LRRFIP1: variants seen among roughly 807,000 people sequenced by gnomAD.
The protein encoded by LRRFIP1 is leucine-rich repeat flightless-interacting protein 1.
A neutral mutation model predicts 104.4 loss-of-function variants in LRRFIP1; 62 were observed. That is an observed-to-expected ratio of 0.59 (90% CI 0.48 to 0.73). The LOEUF (loss-of-function observed/expected upper bound fraction) is 0.73. Ranked by LOEUF, LRRFIP1 falls within the 30% of genes least tolerant of loss-of-function variation. The pLI is 0.00. For missense variants in LRRFIP1, 796 were observed against 824.5 expected (o/e 0.97, Z 0.42); for synonymous variants, 300 against 299.0 (o/e 1.00, Z -0.03).
intron 15 of LRRFIP1, among the ~76,000 whole-genome samples, chr2:237,754,238 A>G (rs1045766159): frequency 3.6e-5 from 5 of 140,466 alleles, no homozygotes; most frequent in Non-Finnish European, 7.4e-5. Context: ...AGAAAATTAT[A>G]TTATTTTCTG....
At chr2:237,749,098 C>A (rs2058256779) in intron 12 of LRRFIP1, 101 bp from the exon 13 acceptor site, 1 of 1,281,050 alleles carries the variant, frequency 7.8e-7, no homozygotes, top group Admixed American at 2.4e-5. Context: ...CCAGGGCCGT[C>A]CCTCATCTTG....
chr2:237,658,273 A>G (rs1448608048), intron 1 of LRRFIP1, among the ~76,000 whole-genome samples: 3 of 152,232 alleles, frequency 2.0e-5, no homozygotes, highest in Non-Finnish European at 1.5e-5. Flanking sequence ...TTAAAACACT[A>G]CTGAGAAACC....
chr2:237,702,710 G>A (rs530437163), intron 1 of LRRFIP1, among the ~76,000 whole-genome samples: 12 of 152,186 alleles, frequency 7.9e-5, no homozygotes, highest in African/African-American at 2.2e-4. Context: ...CAGCCAGACC[G>A]AGCTATGCAT....
intron 1 of LRRFIP1, among the ~76,000 whole-genome samples, chr2:237,673,865 G>A (rs1310199312): frequency 1.3e-5 from 2 of 152,178 alleles, no homozygotes; most frequent in African/African-American, 4.8e-5. Flanking sequence ...TCTCAGGAGC[G>A]CCAGCAGCTG....
At chr2:237,740,865 A>C (rs2095395544) in intron 11 of LRRFIP1, among the ~76,000 whole-genome samples, 1 of 152,160 alleles carries the variant, frequency 6.6e-6, no homozygotes, top group Non-Finnish European at 1.5e-5. Flanking sequence ...ACTGTGCAGC[A>C]TGGCTTTCCT....
chr2:237,769,779 C>T, intron 19 of LRRFIP1, 164 bp from the exon 20 acceptor site: 2 of 619,152 alleles, frequency 3.2e-6, no homozygotes, highest in Non-Finnish European at 5.9e-6. Flanking sequence ...TTGGCTGTGG[C>T]CTCATTCACC....
intron 13 of LRRFIP1, 69 bp downstream of exon 13, chr2:237,749,393 A>C (rs2058292958): frequency 6.5e-7 from 1 of 1,542,174 alleles, no homozygotes; most frequent in Admixed American, 2.0e-5. Context: ...AGATTAAAAA[A>C]AAAAAAGTTA....
chr2:237,673,194 A>G (rs577530797), intron 1 of LRRFIP1, among the ~76,000 whole-genome samples: 1 of 152,348 alleles, frequency 6.6e-6, no homozygotes, highest in South Asian at 2.1e-4. Context: ...AAAAATAAAC[A>G]TGGCAATTCC....
intron 1 of LRRFIP1, among the ~76,000 whole-genome samples, chr2:237,704,775 A>G (rs189778259): frequency 3.9e-5 from 6 of 152,122 alleles, no homozygotes; most frequent in Non-Finnish European, 8.8e-5. Flanking sequence ...TCTGAATTCT[A>G]ATGTAAGGTG....
chr2:237,692,620 G>T (rs2092888242), intron 1 of LRRFIP1: 3 of 1,339,924 alleles, frequency 2.2e-6, no homozygotes, highest in Non-Finnish European at 2.9e-6. Context: ...CAGGTGCCCG[G>T]GAGGCGTGGG....
At chr2:237,754,262 G>A (rs1222277228) in intron 15 of LRRFIP1, among the ~76,000 whole-genome samples, 1 of 152,178 alleles carries the variant, frequency 6.6e-6, no homozygotes, top group Non-Finnish European at 1.5e-5. Flanking sequence ...ATTGGGAAAA[G>A]ACACAGTTAC....
intron 1 of LRRFIP1, among the ~76,000 whole-genome samples, chr2:237,668,582 C>CTACT (rs980193069): frequency 5.3e-5 from 8 of 152,168 alleles, no homozygotes; most frequent in African/African-American, 1.9e-4. Context: ...TTGTACCGAG[C>CTACT]TACTGAAGAG....
rs1216445887 is a variant in LRRFIP1, at chr2:237,627,591, C to A, written c.-54C>A. On this transcript the variant is annotated 5_prime_UTR_variant, in exon 1 of 24. Transcript: ENST00000308482. ...GGCCGGGGCCGGGGCCGGGCCGGGGCGGCGCGAGCGGCTGGAGCAACGGGC... is the reference window on the plus strand; with the variant it reads ...GGCCGGGGCCGGGGCCGGGCCGGGGAGGCGCGAGCGGCTGGAGCAACGGGC... The A allele has an allele frequency of 6.6e-6, 7 of 1,064,666 alleles. No homozygotes were observed. The East Asian group carries it at 2.3e-4, about 35-fold the overall frequency. The allele number at this position is 1,064,666 out of a possible 1,614,324, so 66.0% of individuals were successfully genotyped here.
chr2:237,711,621 C>T lies in LRRFIP1; in HGVS notation c.184-2638C>T, dbSNP rs901353664. On this transcript the variant is annotated intron_variant, in intron 2 of 23. Transcript: ENST00000308482. This position sits in a 1 kb window ranked among gnomAD's most constrained non-coding sequence, Gnocchi z 4.4. ...TGACACAGGGCGGGCGTCGTGGGCGCGGCTGTGGACTCCTGCCTGGGGTTG... is the reference window on the plus strand; with the variant it reads ...TGACACAGGGCGGGCGTCGTGGGCGTGGCTGTGGACTCCTGCCTGGGGTTG... Among the ~76,000 whole-genome samples, 3 of 152,224 alleles carry T rather than the reference C, an allele frequency of 2.0e-5. No individual in the cohort carries two copies. The highest frequency in any genetic ancestry group is 2.9e-5 in the Non-Finnish European group (2 of 68,036).
chr2:237,641,354 G>A (rs6736671), intron 1 of LRRFIP1, among the ~76,000 whole-genome samples: 66,571 of 151,536 alleles, frequency 0.44, 14,866 homozygotes, highest in East Asian at 0.53. Flanking sequence ...TCTACTAAAA[G>A]TACAAAAATT....
chr2:237,748,602 G>A lies in LRRFIP1; in HGVS notation c.669+203G>A, dbSNP rs111412895. 6.6e-5 allele frequency among the ~76,000 whole-genome samples: 10 copies of A among 152,182 alleles called. 1 individual carries two copies. The highest frequency in any genetic ancestry group is 2.2e-4 in the African/African-American group (9 of 41,520). On this transcript the variant is annotated intron_variant, in intron 12 of 23. Coordinates refer to ENST00000308482, the MANE Select transcript of LRRFIP1 (RefSeq NM_001137550.2). ...GTGTGCGTTAGATCCTGTAGAGCAG[G>A]GAGGCGTTTATAATGGGCCCCACCA...
At chr2:237,628,763 C>T (rs1361425962) in intron 1 of LRRFIP1, among the ~76,000 whole-genome samples, 1 of 152,206 alleles carries the variant, frequency 6.6e-6, no homozygotes, top group Non-Finnish European at 1.5e-5. Context: ...CTGTATCCGT[C>T]AGATATTCTG....
At chr2:237,696,995 A>G (rs923087756) in intron 1 of LRRFIP1, among the ~76,000 whole-genome samples, 3 of 152,186 alleles carry the variant, frequency 2.0e-5, no homozygotes, top group African/African-American at 7.2e-5. Context: ...TTCCAGACAG[A>G]AGAGAACATT....
rs1260190278 is a variant in LRRFIP1 at position 237,627,602 on chromosome 2, G to A, written c.-43G>A. 4 of 1,154,404 alleles carry A rather than the reference G, an allele frequency of 3.5e-6. No homozygotes were observed. The highest frequency in any genetic ancestry group is 1.6e-5 in the African/African-American group (1 of 61,028). 71.5% of individuals were successfully genotyped at this position (1,154,404 alleles called of 1,614,324 possible). ...GGGCCGGGCCGGGGCGGCGCGAGCG[G>A]CTGGAGCAACGGGCCCCGCGGCAGC... On this transcript the variant is annotated 5_prime_UTR_variant, in exon 1 of 24. Transcript: ENST00000308482.
Sources: allele counts gnomAD v4.1 joint callset (sites outside exome capture counted in the v4.1 genomes callset), GRCh38; gene constraint gnomAD v4.1.1; non-coding constraint Gnocchi (gnomAD v3.1); transcripts MANE v1.5; gene names NCBI Gene and HGNC (gene_info 2026-07-23, HGNC 2026-07-21).